Variants in ANKRD36C observed in about 807,000 individuals in gnomAD.
ANKRD36C encodes the protein ankyrin repeat domain 36C.
Under a neutral mutation model 276.4 loss-of-function variants are expected in ANKRD36C, and 61 were observed. The observed-to-expected ratio is 0.22, with a 90% CI of 0.18 to 0.27. The LOEUF is 0.27. Among genes scored for constraint, ANKRD36C ranks in the 10% least tolerant of loss-of-function variants. The pLI, the probability that ANKRD36C is intolerant of heterozygous loss-of-function variation, is 1.00. For synonymous variants in ANKRD36C, 483 were observed against 680.1 expected, an observed-to-expected ratio of 0.71 and a Z score of 4.51; for missense variants, 1,447 against 2,032.3, an observed-to-expected ratio of 0.71 and a Z score of 5.54.
rs1239046106 is a variant in ANKRD36C at position 95,914,098 on chromosome 2, T to A, written c.2551+10A>T. The A allele has an allele frequency of 1.3e-6, 2 of 1,557,410 alleles. No individual in the cohort carries two copies. Among genetic ancestry groups the A allele is most frequent in the Non-Finnish European group, 1.7e-6 (2 of 1,148,236 alleles). ...ACTGATCATGACATTAAATCTCTTT[T>A]CAAAATTACCTCTCCTAGTTTTTTC... On this transcript the variant is annotated intron_variant, in intron 40 of 66. Coordinates refer to ENST00000456556, the Ensembl canonical transcript of ANKRD36C.
intron 34 of ANKRD36C, 97 bp from the exon 35 acceptor site, chr2:95,920,017 C>G: frequency 7.4e-7 from 1 of 1,346,138 alleles, no homozygotes; most frequent in Non-Finnish European, 1.0e-6. Flanking sequence ...ATCCTTCTGC[C>G]TGTACTAGTG....
At chr2:95,927,491 A>G (rs79688051) in intron 26 of ANKRD36C, 82 bp from the exon 27 acceptor site, 1 of 1,588,836 alleles carries the variant, frequency 6.3e-7, no homozygotes, top group Non-Finnish European at 8.6e-7. Flanking sequence ...TTAGCATCAA[A>G]CTATATCTTC....
At chr2:95,933,875 C>T (rs1260533440) in intron 24 of ANKRD36C, among the ~76,000 whole-genome samples, 29 of 149,650 alleles carry the variant, frequency 1.9e-4, no homozygotes, top group Non-Finnish European at 2.9e-4. Flanking sequence ...TGACAAAAGG[C>T]TAATATCCAG....
chr2:95,988,964 T>C (rs1194162407), intron 1 of ANKRD36C, among the ~76,000 whole-genome samples: 2 of 152,140 alleles, frequency 1.3e-5, no homozygotes, highest in Non-Finnish European at 2.9e-5. Context: ...GGTCAGGAGT[T>C]TGAGACCAGC....
chr2:95,868,301 T>A lies in ANKRD36C; in HGVS notation c.3541-720A>T, dbSNP rs1486192490. On this transcript the variant is annotated intron_variant, in intron 59 of 66. Transcript: ENST00000456556. ...ACACCATCATCTTTTTTTTTTTTTTTAAATCACATGCTTCATTTCTTTGGA... is the reference window on the plus strand; with the variant it reads ...ACACCATCATCTTTTTTTTTTTTTTAAAATCACATGCTTCATTTCTTTGGA... Among the ~76,000 whole-genome samples, 8 of 148,956 alleles carry A rather than the reference T, an allele frequency of 5.4e-5. No individual in the cohort carries two copies. The South Asian group carries it at 6.3e-4, about 12-fold the overall frequency.
intron 42 of ANKRD36C, 150 bp from the exon 47 acceptor site, chr2:95,908,847 T>G (rs1380191358): frequency 1.4e-6 from 2 of 1,449,522 alleles, no homozygotes; most frequent in African/African-American, 1.4e-5. Context: ...GACTAGAACA[T>G]GACAGAAATA....
chr2:95,882,492 G>A lies in ANKRD36C; in HGVS notation c.3271C>T (p.Pro1091Ser), dbSNP rs564815287. ...ACCTTCTGGGCCGATTGTTTCTGAG[G>A]AGACACTGAAAAGTAAAAGAAATAT... The change falls in exon 55 of 67, where the codon CCT becomes TCT. Residue 1091 changes from proline to serine, a missense_variant. Pro to Ser is a moderately conservative substitution (Grantham distance 74). This residue lies in a region of ANKRD36C where 70 missense variants were observed against 114.3 expected (regional missense o/e 0.61). Transcript: ENST00000456556. 3.3e-5 allele frequency: 51 copies of A among 1,550,306 alleles called. No homozygotes were observed. The South Asian group carries it at 5.7e-4, about 17-fold the overall frequency.
chr2:95,949,471 T>A (rs1231523488), intron 16 of ANKRD36C, among the ~76,000 whole-genome samples: 3 of 152,100 alleles, frequency 2.0e-5, no homozygotes, highest in Non-Finnish European at 2.9e-5. Context: ...TCAGCAGGGA[T>A]CCATGGCAAT....
At position 95,857,493 on chromosome 2, in the gene ANKRD36C, C is replaced by G; in HGVS notation, c.3897-1G>C. ...CTTTTTTTCTTGCTGTATGGCAAAT[C>G]TGTAAATATACTTATCTTAGAATTT... On this transcript the variant is annotated splice_acceptor_variant, in intron 61 of 66. Transcript: ENST00000456556. LOFTEE classifies it high-confidence loss of function. The G allele has an allele frequency of 6.5e-7, 1 of 1,536,206 alleles. No homozygotes were observed. The highest frequency in any genetic ancestry group is 8.8e-7 in the Non-Finnish European group (1 of 1,133,952).
intron 24 of ANKRD36C, among the ~76,000 whole-genome samples, chr2:95,934,500 A>T (rs1169212507): frequency 6.6e-6 from 1 of 152,124 alleles, no homozygotes; most frequent in Admixed American, 6.6e-5. Flanking sequence ...AAACTAACAC[A>T]GGAAAAGAAA....
At chr2:95,971,445 T>C (rs1678696131) in intron 6 of ANKRD36C, among the ~76,000 whole-genome samples, 1 of 152,016 alleles carries the variant, frequency 6.6e-6, no homozygotes, top group African/African-American at 2.4e-5. Context: ...CAAAAATCTC[T>C]TTAGGTTCTT....
At chr2:95,971,166 A>ATTAG (rs917249910) in intron 6 of ANKRD36C, among the ~76,000 whole-genome samples, 1 of 152,172 alleles carries the variant, frequency 6.6e-6, no homozygotes, top group African/African-American at 2.4e-5. Flanking sequence ...CAGCAAAAAT[A>ATTAG]TTAGTAGTTG....
intron 59 of ANKRD36C, 56 bp from the exon 80 acceptor site, chr2:95,867,637 A>T (rs1675709979): frequency 4.7e-6 from 7 of 1,486,924 alleles, no homozygotes; most frequent in Non-Finnish European, 1.8e-6. Flanking sequence ...TAGCATATAC[A>T]AAATGTACAG....
intron 48 of ANKRD36C, 137 bp from the exon 69 acceptor site, chr2:95,888,257 G>A: frequency 6.8e-7 from 1 of 1,471,772 alleles, no homozygotes; most frequent in Non-Finnish European, 9.2e-7. Flanking sequence ...CTTTGTGACT[G>A]GGGACTGGAA....
At chr2:95,937,974 G>A (rs1187284592) in intron 22 of ANKRD36C, among the ~76,000 whole-genome samples, 1 of 148,458 alleles carries the variant, frequency 6.7e-6, no homozygotes, top group Non-Finnish European at 1.5e-5. Flanking sequence ...AATATGTGGT[G>A]CAGTCATAAA....
intron 14 of ANKRD36C, among the ~76,000 whole-genome samples, chr2:95,953,395 T>C (rs1289857479): frequency 2.6e-5 from 4 of 152,110 alleles, no homozygotes; most frequent in African/African-American, 9.6e-5. Flanking sequence ...AATATTATTT[T>C]AGTCTAATTA....
chr2:95,861,543 T>G (rs923924364), intron 60 of ANKRD36C, among the ~76,000 whole-genome samples: 12 of 151,400 alleles, frequency 7.9e-5, no homozygotes, highest in Non-Finnish European at 1.6e-4. Flanking sequence ...GAAGGTGAAC[T>G]GTGATAAGTT....
At chr2:95,914,837 G>C (rs1352342576) in intron 38 of ANKRD36C, among the ~76,000 whole-genome samples, 1 of 151,444 alleles carries the variant, frequency 6.6e-6, no homozygotes, top group Non-Finnish European at 1.5e-5. Context: ...GATCACTTTG[G>C]ATACCTGTTT....
chr2:95,923,539 A>G, exon 32 of ANKRD36C: 5 of 1,610,966 alleles, frequency 3.1e-6, no homozygotes, highest in African/African-American at 1.3e-5. Flanking sequence ...AGCTATATTC[A>G]AAGCAGAATC....
Sources: gnomAD v4.1 joint callset for allele counts (sites outside exome capture counted in the v4.1 genomes callset) on GRCh38, gnomAD v4.1.1 for gene constraint, gnomAD v4.1.1 regional missense constraint, MANE v1.5 for transcripts, NCBI Gene and HGNC (gene_info 2026-07-23, HGNC 2026-07-21) for gene names.